The following SNTG1 variants were observed in gnomAD, a reference collection of about 807,000 sequenced individuals.
SNTG1 encodes the protein syntrophin gamma 1.
SNTG1 carries 39 observed loss-of-function variants against 74.7 expected under a neutral mutation model. That is an observed-to-expected ratio of 0.52 (90% CI 0.40 to 0.68). The LOEUF (loss-of-function observed/expected upper bound fraction) is 0.68, where lower values mean the gene tolerates loss of function less well. Among genes scored for constraint, SNTG1 ranks in the 30% least tolerant of loss-of-function variants. SNTG1 has a pLI of 0.00. For missense variants in SNTG1, 685 were observed against 609.5 expected (o/e 1.12, Z -1.30); for synonymous variants, 254 against 217.1 (o/e 1.17, Z -1.49).
chr8:50,751,006 A>T (rs2131697769), intron 17 of SNTG1, among the ~76,000 whole-genome samples: 1 of 152,170 alleles, frequency 6.6e-6, no homozygotes, highest in South Asian at 2.1e-4. Context: ...TTTATCAGCA[A>T]CAATAGCTTA....
intron 18 of SNTG1, among the ~76,000 whole-genome samples, chr8:50,778,212 A>G (rs1563829732): frequency 6.6e-6 from 1 of 152,214 alleles, no homozygotes; most frequent in Non-Finnish European, 1.5e-5. Flanking sequence ...CTTTGGGTAT[A>G]TACCCAGTAA....
chr8:50,636,278 C>T (rs565313087), intron 13 of SNTG1, among the ~76,000 whole-genome samples: 2 of 151,858 alleles, frequency 1.3e-5, no homozygotes, highest in South Asian at 4.2e-4. Context: ...ACTTCCTTAG[C>T]CACCCTGGCT....
intron 4 of SNTG1, among the ~76,000 whole-genome samples, chr8:50,423,579 C>G (rs2093123582): frequency 6.6e-6 from 1 of 152,114 alleles, no homozygotes; most frequent in Non-Finnish European, 1.5e-5. Context: ...ATTCAAAGGC[C>G]ATAGCAGAAT....
At chr8:50,142,377 AAG>A (rs2081693124) in intron 1 of SNTG1, among the ~76,000 whole-genome samples, 1 of 151,960 alleles carries the variant, frequency 6.6e-6, no homozygotes. Flanking sequence ...AAAAGTGAGG[AAG>A]AGAGTAGGAG....
intron 12 of SNTG1, among the ~76,000 whole-genome samples, chr8:50,554,139 G>T (rs2094442290): frequency 6.6e-6 from 1 of 152,114 alleles, no homozygotes; most frequent in Non-Finnish European, 1.5e-5. Flanking sequence ...AAGGATTGTG[G>T]CCACTATACC....
chr8:50,398,056 G>A (rs776799688), intron 3 of SNTG1, among the ~76,000 whole-genome samples: 1 of 152,212 alleles, frequency 6.6e-6, no homozygotes, highest in Non-Finnish European at 1.5e-5. Flanking sequence ...CTGAAATGGA[G>A]TTTATCCTTC....
At chr8:50,138,790 G>GA (rs2081564492) in intron 1 of SNTG1, among the ~76,000 whole-genome samples, 1 of 151,774 alleles carries the variant, frequency 6.6e-6, no homozygotes, top group Non-Finnish European at 1.5e-5. Flanking sequence ...ATTTTAAACA[G>GA]AAAAATCCTT....
intron 18 of SNTG1, among the ~76,000 whole-genome samples, chr8:50,756,029 G>T (rs776127507): frequency 6.6e-6 from 1 of 151,422 alleles, no homozygotes; most frequent in South Asian, 2.1e-4. Context: ...ATTTTCATAC[G>T]CTAATTTTCA....
chr8:50,394,959 T>G (rs2131314851), intron 3 of SNTG1, among the ~76,000 whole-genome samples: 1 of 152,258 alleles, frequency 6.6e-6, no homozygotes, highest in Admixed American at 6.5e-5. Flanking sequence ...TTAAAAGGTT[T>G]AAAGCATTTT....
intron 1 of SNTG1, chr8:50,163,787 A>T (rs2082513562): frequency 6.6e-6 from 1 of 152,066 alleles, no homozygotes; most frequent in Non-Finnish European, 1.5e-5. Context: ...CGGCCCATGA[A>T]TTTTTTTAGT....
At chr8:50,776,802 A>T (rs2095642102) in intron 18 of SNTG1, among the ~76,000 whole-genome samples, 1 of 151,690 alleles carries the variant, frequency 6.6e-6, no homozygotes, top group Admixed American at 6.6e-5. Flanking sequence ...GTTTTTCTTT[A>T]GCTGAGAATG....
chr8:50,790,579 G>A (rs1420501430), intron 18 of SNTG1, among the ~76,000 whole-genome samples: 4 of 151,788 alleles, frequency 2.6e-5, no homozygotes, highest in Non-Finnish European at 2.9e-5. Context: ...AAAAGGAATC[G>A]TTGACACCCT....
intron 17 of SNTG1, among the ~76,000 whole-genome samples, chr8:50,724,721 T>G (rs1450408863): frequency 6.6e-6 from 1 of 152,146 alleles, no homozygotes; most frequent in Non-Finnish European, 1.5e-5. Context: ...GTACATATGT[T>G]TTTTAATTTA....
chr8:50,773,679 T>C (rs78877726), intron 18 of SNTG1, among the ~76,000 whole-genome samples: 31 of 152,228 alleles, frequency 2.0e-4, no homozygotes, highest in Non-Finnish European at 4.1e-4. Context: ...TTCTTTGAAA[T>C]GCCAGTTTTA....
chr8:50,194,042 T>C lies in SNTG1; in HGVS notation c.-28+21407T>C, dbSNP rs148649472. Among the ~76,000 whole-genome samples, 620 of 152,266 alleles carry C rather than the reference T, an allele frequency of 4.1e-3. 4 individuals carry two copies. Among genetic ancestry groups the C allele is most frequent in the African/African-American group, 0.014 (598 of 41,558 alleles). ...AAAACCACTTGATCATGGTGGATCA[T>C]CTTTTTGATATGTTGTTGGATTCTG... On this transcript the variant is annotated intron_variant, in intron 2 of 18. Transcript: ENST00000642720.
At chr8:50,644,532 A>G (rs557032824) in intron 13 of SNTG1, 52 of 152,306 alleles carry the variant, frequency 3.4e-4, no homozygotes, top group African/African-American at 1.2e-3. Flanking sequence ...TACAGTATAT[A>G]TTACATATAA....
At chr8:50,714,385 A>G (rs10958056) in intron 17 of SNTG1, among the ~76,000 whole-genome samples, 30,999 of 151,830 alleles carry the variant, frequency 0.2, 3,263 homozygotes, top group South Asian at 0.31. Flanking sequence ...GCTCAAGGAA[A>G]TAAGAGAGGA....
chr8:50,157,299 T>G (rs1018343242), intron 1 of SNTG1, among the ~76,000 whole-genome samples: 8 of 152,110 alleles, frequency 5.3e-5, no homozygotes, highest in Non-Finnish European at 1.2e-4. Flanking sequence ...CTGAGTGCTA[T>G]AGAAATGTTC....
chr8:50,695,914 G>T (rs917967949), intron 15 of SNTG1, among the ~76,000 whole-genome samples: 4 of 151,726 alleles, frequency 2.6e-5, no homozygotes, highest in Non-Finnish European at 5.9e-5. Flanking sequence ...TTTGAATAGT[G>T]CTGTGATAAA....
Sources: allele counts gnomAD v4.1 joint callset (sites outside exome capture counted in the v4.1 genomes callset), GRCh38; gene constraint gnomAD v4.1.1; transcripts MANE v1.5; gene names NCBI Gene and HGNC (gene_info 2026-07-23, HGNC 2026-07-21).